The following LDAH variants were observed in gnomAD, a reference collection of about 807,000 sequenced individuals.
LDAH encodes the protein lipid droplet-associated hydrolase.
A neutral mutation model predicts 29.6 loss-of-function variants in LDAH; 26 were observed. The observed-to-expected ratio is 0.88, with a 90% CI of 0.64 to 1.22. The LOEUF is 1.22. Among genes scored for constraint, LDAH ranks in the 50% most tolerant of loss-of-function variants. The pLI is 0.00. For missense variants in LDAH, 344 were observed against 387.3 expected (o/e 0.89, Z 0.94); for synonymous variants, 117 against 133.0 (o/e 0.88, Z 0.83).
intron 5 of LDAH, among the ~76,000 whole-genome samples, chr2:20,711,113 TAGAGA>T (rs1308245294): frequency 6.6e-6 from 1 of 151,226 alleles, no homozygotes; most frequent in Non-Finnish European, 1.5e-5. Context: ...CTTTAAAGAG[TAGAGA>T]AGTGTCACGC....
chr2:20,713,919 C>A (rs955227290), intron 5 of LDAH, among the ~76,000 whole-genome samples: 1 of 152,160 alleles, frequency 6.6e-6, no homozygotes, highest in Non-Finnish European at 1.5e-5. Context: ...TAGACTCCCA[C>A]ACAATAATAA....
At chr2:20,734,921 T>C (rs930856709) in intron 5 of LDAH, among the ~76,000 whole-genome samples, 3 of 152,334 alleles carry the variant, frequency 2.0e-5, no homozygotes, top group African/African-American at 7.2e-5. Flanking sequence ...TTTGGATTAA[T>C]AGTTATTTTC....
intron 4 of LDAH, among the ~76,000 whole-genome samples, chr2:20,742,953 C>G (rs893777851): frequency 6.6e-6 from 1 of 151,676 alleles, no homozygotes; most frequent in Non-Finnish European, 1.5e-5. Flanking sequence ...TAGAGATGGT[C>G]TGTCTCCCTA....
chr2:20,757,409 T>G (rs1026422274), intron 4 of LDAH, among the ~76,000 whole-genome samples: 8 of 152,178 alleles, frequency 5.3e-5, no homozygotes, highest in Non-Finnish European at 1.2e-4. Flanking sequence ...CAATTCCCAA[T>G]GGCATCAAAG....
At chr2:20,749,027 G>A (rs1667775159) in intron 4 of LDAH, among the ~76,000 whole-genome samples, 1 of 152,150 alleles carries the variant, frequency 6.6e-6, no homozygotes, top group Non-Finnish European at 1.5e-5. Flanking sequence ...TCTACTGGTT[G>A]TTCATTCATT....
chr2:20,759,757 C>T (rs778268050), intron 4 of LDAH, among the ~76,000 whole-genome samples: 30 of 152,180 alleles, frequency 2.0e-4, no homozygotes, highest in Middle Eastern at 3.2e-3. Context: ...AGTCTGTCCA[C>T]TGAGGCTCTA....
At chr2:20,789,521 C>A (rs1670797071) in intron 3 of LDAH, among the ~76,000 whole-genome samples, 1 of 152,210 alleles carries the variant, frequency 6.6e-6, no homozygotes. Flanking sequence ...CAAAGTCTCT[C>A]CTAACCCACA....
chr2:20,788,946 G>T, intron 3 of LDAH: 1 of 539,870 alleles, frequency 1.9e-6, no homozygotes, highest in Non-Finnish European at 3.2e-6. Context: ...GCATCTCCAT[G>T]GTATTACTTC....
intron 3 of LDAH, among the ~76,000 whole-genome samples, chr2:20,778,290 C>T (rs1166411876): frequency 6.6e-6 from 1 of 152,200 alleles, no homozygotes; most frequent in Non-Finnish European, 1.5e-5. Context: ...TATCACTTCA[C>T]AGCTCACCTA....
intron 5 of LDAH, among the ~76,000 whole-genome samples, chr2:20,728,197 A>C (rs1436658621): frequency 6.6e-6 from 1 of 152,136 alleles, no homozygotes; most frequent in Non-Finnish European, 1.5e-5. Flanking sequence ...TTTCCGTAAG[A>C]TTTCTACTGA....
intron 6 of LDAH, among the ~76,000 whole-genome samples, chr2:20,691,696 T>C (rs1663042707): frequency 1.3e-5 from 2 of 152,260 alleles, no homozygotes; most frequent in South Asian, 2.1e-4. Flanking sequence ...TGAGAGTTGA[T>C]AAAAAGTATA....
rs1380067523 is a variant in LDAH, at chr2:20,685,719, A to C, written c.*1184T>G. 6.6e-7 allele frequency: 1 copy of C among 1,513,298 alleles called. No homozygotes were observed. The highest frequency in any genetic ancestry group is 1.4e-5 in the African/African-American group (1 of 72,180). The allele number at this position is 1,513,298 out of a possible 1,614,324, so 93.7% of individuals were successfully genotyped here. A position where few individuals can be genotyped will look rare whatever the true frequency, so the allele number is the denominator to read the frequency against. On this transcript the variant is annotated 3_prime_UTR_variant, in exon 7 of 7. Coordinates refer to ENST00000237822, the MANE Select transcript of LDAH (RefSeq NM_021925.4). ...CTGTCACTGCAGTATGTGGTTCTCAAGATTGAGTCAATTTAGGGGAGGCAG... is the reference window on the plus strand; with the variant it reads ...CTGTCACTGCAGTATGTGGTTCTCACGATTGAGTCAATTTAGGGGAGGCAG...
rs1346238608 is a variant in LDAH at position 20,698,111 on chromosome 2, G to A, written c.786+3459C>T. ...GAAAGAGATGCATGGCACAAAAAAG[G>A]TTTAGAATCCACACTCTAGTTAATG... On this transcript the variant is annotated intron_variant, in intron 6 of 6. Coordinates refer to ENST00000237822, the MANE Select transcript of LDAH (RefSeq NM_021925.4). This position sits in a 1 kb window ranked among gnomAD's most constrained non-coding sequence, Gnocchi z 4.4. Among the ~76,000 whole-genome samples, 3 of 152,110 alleles carry A rather than the reference G, an allele frequency of 2.0e-5. No homozygotes were observed. Among genetic ancestry groups the A allele is most frequent in the Admixed American group, 1.3e-4 (2 of 15,268 alleles).
intron 1 of LDAH, among the ~76,000 whole-genome samples, chr2:20,822,415 T>A (rs1673388750): frequency 1.3e-5 from 2 of 152,110 alleles, no homozygotes; most frequent in Non-Finnish European, 2.9e-5. Context: ...AGTGCTGGGA[T>A]TACAGGCGTG....
At chr2:20,691,301 G>C (rs1663002813) in intron 6 of LDAH, among the ~76,000 whole-genome samples, 1 of 152,100 alleles carries the variant, frequency 6.6e-6, no homozygotes. Flanking sequence ...CAGCTTCCAG[G>C]GTAGCTGGAA....
chr2:20,810,351 A>C (rs192498404), intron 1 of LDAH, among the ~76,000 whole-genome samples: 67 of 152,326 alleles, frequency 4.4e-4, no homozygotes, highest in African/African-American at 1.5e-3. Context: ...CAAATGTCTC[A>C]AGAGTACCAG....
intron 1 of LDAH, among the ~76,000 whole-genome samples, chr2:20,821,534 CAT>C (rs1558511847): frequency 6.6e-6 from 1 of 152,076 alleles, no homozygotes; most frequent in Non-Finnish European, 1.5e-5. Flanking sequence ...CCAAACACCA[CAT>C]GTTCTCACTC....
At position 20,696,437 on chromosome 2, in the gene LDAH, G is replaced by GC. The variant is rs576809799; in HGVS notation, c.786+5132dup. On this transcript the variant is annotated intron_variant, in intron 6 of 6. Coordinates refer to ENST00000237822, the MANE Select transcript of LDAH (RefSeq NM_021925.4). ...CAGGGGCAGCACCACCTTACAGGCA[G>GC]CCCCCCTACCACTGCCTAACTTCAT... Among the ~76,000 whole-genome samples, 185 of 152,294 alleles carry GC rather than the reference G, an allele frequency of 1.2e-3. 2 individuals carry two copies. The highest frequency in any genetic ancestry group is 3.4e-3 in the Middle Eastern group (1 of 294).
Position 20,685,111 on chromosome 2 carries a change from G to C in LDAH, c.*1792C>G. 2 of 676,052 alleles carry C rather than the reference G, an allele frequency of 3.0e-6. No individual in the cohort carries two copies. The highest frequency in any genetic ancestry group is 4.5e-6 in the Non-Finnish European group (2 of 446,516). 41.9% of individuals were successfully genotyped at this position (676,052 alleles called of 1,614,324 possible). A position where few individuals can be genotyped will look rare whatever the true frequency, so the allele number is the denominator to read the frequency against. On this transcript the variant is annotated 3_prime_UTR_variant, in exon 7 of 7. Transcript: ENST00000237822. ...CATTTGGTTTTCAGATGATAAATAGGAATTAAGAATGAGTATCTTTCTTAG... is the reference window on the plus strand; with the variant it reads ...CATTTGGTTTTCAGATGATAAATAGCAATTAAGAATGAGTATCTTTCTTAG...
Sources: gnomAD v4.1 joint callset for allele counts (sites outside exome capture counted in the v4.1 genomes callset) on GRCh38, gnomAD v4.1.1 for gene constraint, Gnocchi (gnomAD v3.1) non-coding constraint, MANE v1.5 for transcripts, NCBI Gene and HGNC (gene_info 2026-07-23, HGNC 2026-07-21) for gene names.